The following ZNF772 variants were observed in gnomAD, a reference collection of about 807,000 sequenced individuals.
ZNF772 encodes the protein zinc finger protein 772.
A neutral mutation model predicts 11.0 loss-of-function variants in ZNF772; 8 were observed. The observed-to-expected ratio is 0.73, with a 90% CI of 0.43 to 1.31. ZNF772 has a LOEUF of 1.31. Among genes scored for constraint, ZNF772 ranks in the 50% most tolerant of loss-of-function variants. The pLI, the probability that ZNF772 is intolerant of heterozygous loss-of-function variation, is 0.01. For missense variants in ZNF772, 496 were observed against 552.3 expected (o/e 0.90, Z 1.02); for synonymous variants, 155 against 180.4 (o/e 0.86, Z 1.13).
chr19:57,477,344 G>T lies in ZNF772; in HGVS notation c.-35C>A, dbSNP rs1019349396. ...GGACTACGGAAGGGTGGCGACAAGT[G>T]CAGGAACCTGGGATCAGCTGTCCAG... On this transcript the variant is annotated 5_prime_UTR_variant, in exon 1 of 4. Coordinates refer to ENST00000356584, the MANE Select transcript of ZNF772 (RefSeq NM_001144068.2). 1.2e-6 allele frequency: 2 copies of T among 1,612,352 alleles called. No individual in the cohort carries two copies. The highest frequency in any genetic ancestry group is 1.7e-6 in the Non-Finnish European group (2 of 1,179,374).
In ZNF772 at chr19:57,475,716, T is replaced by C. The variant is rs373125165; in HGVS notation, c.143A>G (p.Gln48Arg). The C allele has an allele frequency of 1.5e-5, 24 of 1,613,966 alleles. No homozygotes were observed. The East Asian group carries it at 3.1e-4, about 21-fold the overall frequency. Residue 48 changes from glutamine to arginine, a missense_variant, in exon 3 of 4, where the codon CAG (glutamine) becomes CGG (arginine). By Grantham distance (43) the Gln-to-Arg change is conservative. Transcript: ENST00000356584. The surrounding 1 kb of genome is among the most constrained non-coding windows in gnomAD (Gnocchi z 4.2). ...CATCACATCACGGTACAGGAGCCTCTGAGCCTCATCAAGGAGCACCCACTC... is the reference window on the plus strand; with the variant it reads ...CATCACATCACGGTACAGGAGCCTCCGAGCCTCATCAAGGAGCACCCACTC... ...QEEWVLLDEA[Q>R]RLLYRDVMLE...
At chr19:57,474,978 T>C in intron 3 of ZNF772, 3 of 1,612,980 alleles carry the variant, frequency 1.9e-6, no homozygotes, top group South Asian at 1.1e-5. Flanking sequence ...TATGGAATGA[T>C]ATGAACCCAG....
At position 57,470,796 on chromosome 19, in the gene ZNF772, C is replaced by A. The variant is rs2089205010; in HGVS notation, c.*2478G>T. 1 of 152,058 alleles carries A rather than the reference C, an allele frequency of 6.6e-6. No homozygotes were observed. 9.4% of individuals were successfully genotyped at this position (152,058 alleles called of 1,614,324 possible). A position where few individuals can be genotyped will look rare whatever the true frequency, so the allele number is the denominator to read the frequency against. On this transcript the variant is annotated 3_prime_UTR_variant, in exon 4 of 4. Transcript: ENST00000356584. ...GTACTTAAATAAAACAGAAAAACTC[C>A]TTGAAAGACACAAACCATCAAAGCT...
In ZNF772 at chr19:57,473,235, GTTA is replaced by G. The variant is rs1341197395; in HGVS notation, c.*36_*38del. On this transcript the variant is annotated 3_prime_UTR_variant, in exon 4 of 4. Transcript: ENST00000356584. ...TGCTTGGAGCTTCTCTCTGATGTCA[GTTA>G]TTATGTTGAACAAGGAAACGGAATT... is the stretch of plus-strand genomic sequence containing the variant. The G allele has an allele frequency of 2.5e-6, 4 of 1,573,272 alleles. No individual in the cohort carries two copies. The highest frequency in any genetic ancestry group is 1.9e-4 in the Middle Eastern group (1 of 5,352).
In ZNF772 at chr19:57,475,603, A is replaced by G; in HGVS notation, c.199+57T>C. On this transcript the variant is annotated intron_variant, in intron 3 of 3. Coordinates refer to ENST00000356584, the MANE Select transcript of ZNF772 (RefSeq NM_001144068.2). The surrounding 1 kb of genome is among the most constrained non-coding windows in gnomAD (Gnocchi z 4.2). Reference sequence around the variant, plus strand: ...GTAGGAAGGACAAAGATGCCCTGAAAAAAAGGGGAAGGGCAGGACCCAGTC... The same window carrying G: ...GTAGGAAGGACAAAGATGCCCTGAAGAAAAGGGGAAGGGCAGGACCCAGTC... The G allele has an allele frequency of 6.2e-7, 1 of 1,611,826 alleles. No individual in the cohort carries two copies. The highest frequency in any genetic ancestry group is 8.5e-7 in the Non-Finnish European group (1 of 1,178,464).
Position 57,471,227 on chromosome 19 carries a change from C to T in ZNF772, c.*2047G>A, listed in dbSNP as rs1441388872. 6.6e-6 allele frequency: 1 copy of T among 151,994 alleles called. No individual in the cohort carries two copies. The highest frequency in any genetic ancestry group is 2.4e-5 in the African/African-American group (1 of 41,362). The allele number at this position is 151,994 out of a possible 1,614,324, so 9.4% of individuals were successfully genotyped here. On this transcript the variant is annotated 3_prime_UTR_variant, in exon 4 of 4. Coordinates refer to ENST00000356584, the MANE Select transcript of ZNF772 (RefSeq NM_001144068.2). ...CATTATGCTGATACCAAAGCCAAAC[C>T]TGGGCAAGATATAAAATTACAAAGA...
At chr19:57,474,940 A>T in intron 3 of ZNF772, 1 of 1,585,228 alleles carries the variant, frequency 6.3e-7, no homozygotes, top group South Asian at 1.1e-5. Context: ...TGGCCTTAGC[A>T]CTAATACAAC....
At position 57,471,202 on chromosome 19, in the gene ZNF772, C is replaced by A. The variant is rs981726088; in HGVS notation, c.*2072G>T. ...TTCCCAACTTACTCTATAAAGCTGG[C>A]ATTATGCTGATACCAAAGCCAAACC... On this transcript the variant is annotated 3_prime_UTR_variant, in exon 4 of 4. Coordinates refer to ENST00000356584, the MANE Select transcript of ZNF772 (RefSeq NM_001144068.2). 1 of 152,104 alleles carries A rather than the reference C, an allele frequency of 6.6e-6. No homozygotes were observed. Among genetic ancestry groups the A allele is most frequent in the Non-Finnish European group, 1.5e-5 (1 of 68,034 alleles). 9.4% of individuals were successfully genotyped at this position (152,104 alleles called of 1,614,324 possible).
Position 57,474,070 on chromosome 19 carries a change from CCT to C in ZNF772, c.549_550del (p.Glu185GlyfsTer3). 1.2e-6 allele frequency: 2 copies of C among 1,614,156 alleles called. No homozygotes were observed. Among genetic ancestry groups the C allele is most frequent in the African/African-American group, 1.3e-5 (1 of 75,042 alleles). Reference sequence around the variant, plus strand: ...GGCTAGGAAGTCCTTACAAGCCTCCCCTGTCACAAAAGACATCTCCATTGATT... The same window carrying C: ...GGCTAGGAAGTCCTTACAAGCCTCCCGTCACAAAAGACATCTCCATTGATT... On this transcript the variant is annotated frameshift_variant, in exon 4 of 4. Transcript: ENST00000356584. LOFTEE classifies it low-confidence loss of function (END_TRUNC).
chr19:57,477,158 GC>G (rs2089293697), intron 1 of ZNF772, 118 bp downstream of exon 1: 2 of 1,362,664 alleles, frequency 1.5e-6, no homozygotes, highest in African/African-American at 2.9e-5. Flanking sequence ...CCAAACACGA[GC>G]GCCCCCACTG....
intron 3 of ZNF772, chr19:57,474,958 A>C (rs1206070048): frequency 1.2e-5 from 20 of 1,606,522 alleles, no homozygotes; most frequent in Non-Finnish European, 1.7e-5. Context: ...AACTGTAGGC[A>C]CAAAGAGGCT....
rs777134499 is a variant in ZNF772 at position 57,475,617 on chromosome 19, C to G, written c.199+43G>C. On this transcript the variant is annotated intron_variant, in intron 3 of 3. Transcript: ENST00000356584. This position sits in a 1 kb window ranked among gnomAD's most constrained non-coding sequence, Gnocchi z 4.2. ...GATGCCCTGAAAAAAAGGGGAAGGG[C>G]AGGACCCAGTCCAAGTCACTGGGGT... The G allele has an allele frequency of 1.9e-6, 3 of 1,612,862 alleles. No individual in the cohort carries two copies. In the South Asian group the frequency reaches 3.3e-5, roughly 18 times the overall value.
At position 57,472,010 on chromosome 19, in the gene ZNF772, T is replaced by C. The variant is rs1387624580; in HGVS notation, c.*1264A>G. 4 of 406,790 alleles carry C rather than the reference T, an allele frequency of 9.8e-6. No homozygotes were observed. Among genetic ancestry groups the C allele is most frequent in the Non-Finnish European group, 1.9e-5 (4 of 206,390 alleles). 25.2% of individuals were successfully genotyped at this position (406,790 alleles called of 1,614,324 possible). A position where few individuals can be genotyped will look rare whatever the true frequency, so the allele number is the denominator to read the frequency against. On this transcript the variant is annotated 3_prime_UTR_variant, in exon 4 of 4. Coordinates refer to ENST00000356584, the MANE Select transcript of ZNF772 (RefSeq NM_001144068.2). ...TCAAAACTTATCAAATGGTACACTA[T>C]AAATATGTGCAGTTTATTGCAAAAA...
At position 57,477,290 on chromosome 19, in the gene ZNF772, A is replaced by T; in HGVS notation, c.20T>A (p.Met7Lys). MAAAEP[M>K]GPAQVPMNSE... ...CGCAGCACCCACCTGTGCCGGGCCCATCGGCTCAGCCGCCGCCATCAGGCC... is the reference window on the plus strand; with the variant it reads ...CGCAGCACCCACCTGTGCCGGGCCCTTCGGCTCAGCCGCCGCCATCAGGCC... The change falls in exon 1 of 4, where the codon ATG (methionine) becomes AAG (lysine). Residue 7 changes from methionine (M) to lysine (K), a missense_variant. Met to Lys is a moderately conservative substitution (Grantham distance 95, BLOSUM62 -1). Coordinates refer to ENST00000356584, the MANE Select transcript of ZNF772 (RefSeq NM_001144068.2). The T allele has an allele frequency of 6.3e-7, 1 of 1,599,402 alleles. No homozygotes were observed. Among genetic ancestry groups the T allele is most frequent in the Non-Finnish European group, 8.5e-7 (1 of 1,175,628 alleles).
chr19:57,476,775 T>C (rs1472187413), intron 1 of ZNF772, 103 bp from the exon 2 acceptor site: 1 of 1,014,814 alleles, frequency 9.9e-7, no homozygotes, highest in Non-Finnish European at 1.4e-6. Context: ...GCCTGGGAGC[T>C]GAATGTCTAC....
At position 57,470,821 on chromosome 19, in the gene ZNF772, T is replaced by C. The variant is rs1459021358; in HGVS notation, c.*2453A>G. The C allele has an allele frequency of 6.6e-6, 1 of 152,074 alleles. No homozygotes were observed. The highest frequency in any genetic ancestry group is 2.4e-5 in the African/African-American group (1 of 41,398). 9.4% of individuals were successfully genotyped at this position (152,074 alleles called of 1,614,324 possible). A position where few individuals can be genotyped will look rare whatever the true frequency, so the allele number is the denominator to read the frequency against. On this transcript the variant is annotated 3_prime_UTR_variant, in exon 4 of 4. Coordinates refer to ENST00000356584, the MANE Select transcript of ZNF772 (RefSeq NM_001144068.2). ...CTTGAAAGACACAAACCATCAAAGCTCACTCTAGAGATAGATGGATGGATG... is the reference window on the plus strand; with the variant it reads ...CTTGAAAGACACAAACCATCAAAGCCCACTCTAGAGATAGATGGATGGATG...
intron 1 of ZNF772, 37 bp downstream of exon 1, chr19:57,477,240 G>A (rs1568560282): frequency 1.2e-6 from 2 of 1,612,872 alleles, no homozygotes; most frequent in East Asian, 4.5e-5. Flanking sequence ...ATTCAGAGAT[G>A]GGGGTCAGCG....
Position 57,475,936 on chromosome 19 carries a change from G to T in ZNF772, c.73-150C>A. On this transcript the variant is annotated intron_variant, in intron 2 of 3. Transcript: ENST00000356584. The surrounding 1 kb of genome is among the most constrained non-coding windows in gnomAD (Gnocchi z 4.2). ...CCAGATGTCATTGGTGTCTTCTCTC[G>T]CCTCATGGTCCCAATGGATCACTGT... 8.7e-7 allele frequency: 1 copy of T among 1,147,714 alleles called. No homozygotes were observed. The highest frequency in any genetic ancestry group is 1.2e-6 in the Non-Finnish European group (1 of 820,290). 71.1% of individuals were successfully genotyped at this position (1,147,714 alleles called of 1,614,324 possible).
rs1405373082 is a variant in ZNF772 at position 57,470,151 on chromosome 19, CAGG to C, written c.*3120_*3122del. ...GGCTGAGGCAGGCGGATCACAAGAT[CAGG>C]AGATCGAGACCATCCTGGCTAACAC... On this transcript the variant is annotated 3_prime_UTR_variant, in exon 4 of 4. Coordinates refer to ENST00000356584, the MANE Select transcript of ZNF772 (RefSeq NM_001144068.2). The C allele has an allele frequency of 6.6e-6, 1 of 152,146 alleles. No individual in the cohort carries two copies. The highest frequency in any genetic ancestry group is 1.5e-5 in the Non-Finnish European group (1 of 68,054). 9.4% of individuals were successfully genotyped at this position (152,146 alleles called of 1,614,324 possible).
Sources: allele counts gnomAD v4.1 joint callset, GRCh38; gene constraint gnomAD v4.1.1; non-coding constraint Gnocchi (gnomAD v3.1); transcripts MANE v1.5; gene names NCBI Gene and HGNC (gene_info 2026-07-23, HGNC 2026-07-21).